The following HLF variants were observed in gnomAD, a reference collection of about 807,000 sequenced individuals.
The protein encoded by HLF is HLF transcription factor, PAR bZIP family member, also known as hepatic leukemia factor.
HLF carries 3 observed loss-of-function variants against 22.6 expected under a neutral mutation model. The observed-to-expected ratio is 0.13, with a 90% CI of 0.06 to 0.34. The LOEUF (loss-of-function observed/expected upper bound fraction) is 0.34, where lower values mean the gene tolerates loss of function less well. Ranked by LOEUF, HLF falls within the 10% of genes least tolerant of loss-of-function variation. HLF has a pLI of 1.00. For missense variants in HLF, 299 were observed against 389.2 expected, an observed-to-expected ratio of 0.77 and a Z score of 1.95; for synonymous variants, 151 against 151.8, an observed-to-expected ratio of 0.99 and a Z score of 0.04.
chr17:55,301,433 G>A (rs77574643), intron 2 of HLF, among the ~76,000 whole-genome samples: 2,353 of 152,310 alleles, frequency 0.015, 65 homozygotes, highest in African/African-American at 0.054. Flanking sequence ...TTGCAATCTC[G>A]TTGATTAAAA....
Position 55,265,105 on chromosome 17 carries a change from G to C in HLF, c.-380G>C. 1 of 194,970 alleles carries C rather than the reference G, an allele frequency of 5.1e-6. No homozygotes were observed. The highest frequency in any genetic ancestry group is 1.1e-5 in the Non-Finnish European group (1 of 93,558). 12.1% of individuals were successfully genotyped at this position (194,970 alleles called of 1,614,324 possible). A position where few individuals can be genotyped will look rare whatever the true frequency, so the allele number is the denominator to read the frequency against. On this transcript the variant is annotated 5_prime_UTR_variant, in exon 1 of 4. Transcript: ENST00000226067. The stretch of plus-strand genomic sequence containing the variant: ...ACCGCCTCCGGTGCTGGCACTAGGG[G>C]CTGGGGTCGGCGCGGTGTCTTCTGC...
At chr17:55,289,077 T>A in intron 2 of HLF, 1 of 255,816 alleles carries the variant, frequency 3.9e-6, no homozygotes, top group Non-Finnish European at 6.1e-6. Flanking sequence ...TTTCTTTGGT[T>A]AATAGATGCA....
At position 55,321,043 on chromosome 17, in the gene HLF, G is replaced by T; in HGVS notation, c.*164G>T. On this transcript the variant is annotated 3_prime_UTR_variant, in exon 4 of 4. Coordinates refer to ENST00000226067, the MANE Select transcript of HLF (RefSeq NM_002126.5). ...TCTGTGTGTGTGTGCGTGTATATGT[G>T]CTTGTGCTCATGTGTGTGGTCAGCG... The T allele has an allele frequency of 1.6e-6, 1 of 615,314 alleles. No individual in the cohort carries two copies. The highest frequency in any genetic ancestry group is 2.9e-6 in the Non-Finnish European group (1 of 342,974). The allele number at this position is 615,314 out of a possible 1,614,324, so 38.1% of individuals were successfully genotyped here.
chr17:55,317,517 T>C (rs1299609500), intron 3 of HLF, among the ~76,000 whole-genome samples: 4 of 152,366 alleles, frequency 2.6e-5, no homozygotes, highest in African/African-American at 4.8e-5. Context: ...GCTGCTGTCA[T>C]GGTCAGGCCT....
At chr17:55,266,137 G>C (rs1288087935) in intron 1 of HLF, 3 of 152,300 alleles carry the variant, frequency 2.0e-5, no homozygotes, top group Admixed American at 2.0e-4. Context: ...TCTGGTGAAG[G>C]GTAGCTGAGA....
intron 2 of HLF, among the ~76,000 whole-genome samples, chr17:55,275,445 C>CT (rs2080896694): frequency 6.6e-6 from 1 of 152,156 alleles, no homozygotes; most frequent in South Asian, 2.1e-4. Context: ...GCTAATAGAT[C>CT]AGTCAGTTAC....
Position 55,267,247 on chromosome 17 carries a change from T to C in HLF, c.116-504T>C, listed in dbSNP as rs113958863. Reference sequence around the variant, plus strand: ...TATCCAGTAGGTACTCTAAACATGATGTTAAAGAAGGGTGGAAGGTCCCTG... The same window carrying C: ...TATCCAGTAGGTACTCTAAACATGACGTTAAAGAAGGGTGGAAGGTCCCTG... On this transcript the variant is annotated intron_variant, in intron 1 of 3. Coordinates refer to ENST00000226067, the MANE Select transcript of HLF (RefSeq NM_002126.5). Among the ~76,000 whole-genome samples the C allele has an allele frequency of 5.0e-3, 768 of 152,334 alleles. 13 individuals carry two copies. Among genetic ancestry groups the C allele is most frequent in the African/African-American group, 0.017 (695 of 41,584 alleles).
At chr17:55,307,746 T>C (rs1386252561) in intron 2 of HLF, among the ~76,000 whole-genome samples, 1 of 151,418 alleles carries the variant, frequency 6.6e-6, no homozygotes, top group African/African-American at 2.4e-5. Flanking sequence ...GTCACTGTTC[T>C]GTGGGGCTTA....
intron 2 of HLF, among the ~76,000 whole-genome samples, chr17:55,281,197 A>G (rs556870492): frequency 1.1e-4 from 17 of 152,346 alleles, no homozygotes; most frequent in African/African-American, 4.1e-4. Flanking sequence ...CTCCCTCAGC[A>G]TATTTTTGTA....
At position 55,303,802 on chromosome 17, in the gene HLF, C is replaced by T. The variant is rs151183096; in HGVS notation, c.452-11425C>T. Among the ~76,000 whole-genome samples the T allele has an allele frequency of 2.0e-3, 310 of 152,250 alleles. 1 individual carries two copies. Among genetic ancestry groups the T allele is most frequent in the African/African-American group, 7.1e-3 (295 of 41,542 alleles). On this transcript the variant is annotated intron_variant, in intron 2 of 3. Transcript: ENST00000226067. ...TTCAGCGAGGGGGGTGAATGTGAAACGTGTGGCGGAAGTTCTGGCTGTGAC... is the reference window on the plus strand; with the variant it reads ...TTCAGCGAGGGGGGTGAATGTGAAATGTGTGGCGGAAGTTCTGGCTGTGAC...
chr17:55,292,648 C>A (rs1181567685), intron 2 of HLF, among the ~76,000 whole-genome samples: 1 of 151,988 alleles, frequency 6.6e-6, no homozygotes, highest in East Asian at 1.9e-4. Context: ...GCCTTTATAT[C>A]CAAAGGAATA....
At position 55,271,224 on chromosome 17, in the gene HLF, G is replaced by A. The variant is rs190226537; in HGVS notation, c.451+3138G>A. Among the ~76,000 whole-genome samples the A allele has an allele frequency of 2.0e-5, 3 of 152,222 alleles. No homozygotes were observed. In the East Asian group the frequency reaches 5.8e-4, roughly 29 times the overall value. ...TGGCAAAACTTTTAAGAAGGTCAGG[G>A]GACATTGGGTTGCCAAGAAGAAATA... On this transcript the variant is annotated intron_variant, in intron 2 of 3. Coordinates refer to ENST00000226067, the MANE Select transcript of HLF (RefSeq NM_002126.5).
chr17:55,272,428 T>C (rs1598387662), intron 2 of HLF: 1 of 152,240 alleles, frequency 6.6e-6, no homozygotes, highest in East Asian at 1.9e-4. Context: ...GTCCTACCAC[T>C]GTTAGGCCCA....
chr17:55,265,983 G>T (rs555141793), intron 1 of HLF: 128 of 381,706 alleles, frequency 3.4e-4, no homozygotes, highest in African/African-American at 2.6e-3. Context: ...AAACCCTGGG[G>T]CCTGGTTCTG....
At chr17:55,270,924 G>A (rs2080849261) in intron 2 of HLF, among the ~76,000 whole-genome samples, 4 of 152,166 alleles carry the variant, frequency 2.6e-5, no homozygotes. Context: ...TTACAGGCGT[G>A]AGCCACCGCG....
chr17:55,318,698 C>T (rs889625153), intron 3 of HLF, among the ~76,000 whole-genome samples: 4 of 152,166 alleles, frequency 2.6e-5, no homozygotes, highest in African/African-American at 9.7e-5. Flanking sequence ...TAAATCAAGT[C>T]CTCTTTTGAG....
Position 55,324,483 on chromosome 17 carries a change from C to CA in HLF, c.*3606dup. 4.3e-6 allele frequency: 1 copy of CA among 231,882 alleles called. No homozygotes were observed. Among genetic ancestry groups the CA allele is most frequent in the East Asian group, 6.1e-5 (1 of 16,420 alleles). The allele number at this position is 231,882 out of a possible 1,614,324, so 14.4% of individuals were successfully genotyped here. On this transcript the variant is annotated 3_prime_UTR_variant, in exon 4 of 4. Coordinates refer to ENST00000226067, the MANE Select transcript of HLF (RefSeq NM_002126.5). ...CCCTATTCTTCCTTTAAGGAAAACTCAATCTTTATCACAGTCAATTAGAGC... is the reference window on the plus strand; with the variant it reads ...CCCTATTCTTCCTTTAAGGAAAACTCAAATCTTTATCACAGTCAATTAGAGC...
At chr17:55,278,643 T>A (rs1026098452) in intron 2 of HLF, among the ~76,000 whole-genome samples, 1 of 152,194 alleles carries the variant, frequency 6.6e-6, no homozygotes, top group East Asian at 1.9e-4. Flanking sequence ...GTAATCAGAT[T>A]ACCCAGAACA....
rs2145383018 is a variant in HLF, at chr17:55,322,587, C to T, written c.*1708C>T. The T allele has an allele frequency of 4.6e-6, 1 of 216,976 alleles. No homozygotes were observed. Among genetic ancestry groups the T allele is most frequent in the Admixed American group, 5.8e-5 (1 of 17,238 alleles). The allele number at this position is 216,976 out of a possible 1,614,324, so 13.4% of individuals were successfully genotyped here. A position where few individuals can be genotyped will look rare whatever the true frequency, so the allele number is the denominator to read the frequency against. ...GTATCGAGGCTTGTGATGACGAATC[C>T]TGCTCTAAAATACACAAGGAGCTTT... On this transcript the variant is annotated 3_prime_UTR_variant, in exon 4 of 4. Coordinates refer to ENST00000226067, the MANE Select transcript of HLF (RefSeq NM_002126.5).
Sources: gnomAD v4.1 joint callset for allele counts (sites outside exome capture counted in the v4.1 genomes callset) on GRCh38, gnomAD v4.1.1 for gene constraint, MANE v1.5 for transcripts, NCBI Gene and HGNC (gene_info 2026-07-23, HGNC 2026-07-21) for gene names.